The following MARCHF6 variants were observed in gnomAD, a reference collection of about 807,000 sequenced individuals.
MARCHF6 encodes E3 ubiquitin-protein ligase MARCHF6.
A neutral mutation model predicts 133.7 loss-of-function variants in MARCHF6; 31 were observed. The observed-to-expected ratio is 0.23, with a 90% CI of 0.17 to 0.31. The LOEUF (loss-of-function observed/expected upper bound fraction) is 0.31, where lower values mean the gene tolerates loss of function less well. MARCHF6 is among the 10% of genes least tolerant of loss of function. The pLI, the probability that MARCHF6 is intolerant of heterozygous loss-of-function variation, is 1.00. For missense variants in MARCHF6, 723 were observed against 1,121.6 expected (o/e 0.64, Z 5.08); for synonymous variants, 395 against 402.5 (o/e 0.98, Z 0.22).
chr5:10,426,802 T>G (rs1162746874), intron 24 of MARCHF6, among the ~76,000 whole-genome samples: 1 of 152,206 alleles, frequency 6.6e-6, no homozygotes, highest in Non-Finnish European at 1.5e-5. Flanking sequence ...TTCCTTCAGG[T>G]TGTCTTCTTC....
chr5:10,380,406 A>T (rs1296254514), intron 3 of MARCHF6, among the ~76,000 whole-genome samples: 2 of 152,206 alleles, frequency 1.3e-5, no homozygotes, highest in African/African-American at 2.4e-5. Context: ...ACTAAGACTA[A>T]CTAGTTGAGT....
chr5:10,405,285 T>C (rs2126772521), intron 15 of MARCHF6, among the ~76,000 whole-genome samples: 2 of 152,272 alleles, frequency 1.3e-5, no homozygotes, highest in South Asian at 4.1e-4. Flanking sequence ...CTCAGAGGTC[T>C]AGATTTCTTG....
At chr5:10,394,992 G>T (rs1353241169) in intron 9 of MARCHF6, among the ~76,000 whole-genome samples, 2 of 152,074 alleles carry the variant, frequency 1.3e-5, no homozygotes, top group South Asian at 2.1e-4. Flanking sequence ...GTAGAGATGG[G>T]GTTTCACCAT....
In MARCHF6 at chr5:10,435,672, TATATATATATATATATATATATA is replaced by T; in HGVS notation, c.*1989_*2011del. The T allele has an allele frequency of 2.1e-4, 3 of 14,166 alleles. No homozygotes were observed. The highest frequency in any genetic ancestry group is 7.1e-4 in the African/African-American group (2 of 2,826). 0.9% of individuals were successfully genotyped at this position (14,166 alleles called of 1,614,324 possible). A position where few individuals can be genotyped will look rare whatever the true frequency, so the allele number is the denominator to read the frequency against. On this transcript the variant is annotated 3_prime_UTR_variant, in exon 26 of 26. Coordinates refer to ENST00000274140, the MANE Select transcript of MARCHF6 (RefSeq NM_005885.4). ...ATATATATATATATATATATATATA[TATATATATATATATATATATATA>T]TATTTTTTTTTTTTTTTTTTTTTTT...
At chr5:10,393,991 A>G (rs2126738773) in intron 7 of MARCHF6, 91 bp from the exon 8 acceptor site, 1 of 657,108 alleles carries the variant, frequency 1.5e-6, no homozygotes, top group Non-Finnish European at 2.4e-6. Context: ...CTTACAAAGT[A>G]CTAAATTTTA....
At chr5:10,405,829 C>A in intron 16 of MARCHF6, 152 bp downstream of exon 16, 1 of 578,426 alleles carries the variant, frequency 1.7e-6, no homozygotes, top group Non-Finnish European at 2.7e-6. Context: ...TGTCAAGTAG[C>A]TGTGTTATTG....
At position 10,414,413 on chromosome 5, in the gene MARCHF6, C is replaced by T. The variant is rs751716539; in HGVS notation, c.1897-20C>T. On this transcript the variant is annotated intron_variant, in intron 19 of 25. Transcript: ENST00000274140. ...AGCACGTGTTCTCTATTTATGCACT[C>T]CTTATGTTTTACTTTGCAGATATTT... 4 of 1,499,906 alleles carry T rather than the reference C, an allele frequency of 2.7e-6. No individual in the cohort carries two copies. The highest frequency in any genetic ancestry group is 3.4e-5 in the Admixed American group (2 of 58,444). 92.9% of individuals were successfully genotyped at this position (1,499,906 alleles called of 1,614,324 possible). A position where few individuals can be genotyped will look rare whatever the true frequency, so the allele number is the denominator to read the frequency against.
In MARCHF6 at chr5:10,429,984, A is replaced by G. The variant is rs762055375; in HGVS notation, c.2598A>G (p.Gln866=). 7 of 1,613,686 alleles carry G rather than the reference A, an allele frequency of 4.3e-6. No individual in the cohort carries two copies. The highest frequency in any genetic ancestry group is 1.7e-5 in the Admixed American group (1 of 60,010). Residue 866 remains glutamine, a synonymous_variant, in exon 25 of 26, where the codon CAA becomes CAG. Transcript: ENST00000274140. ...TATTGATGGCAATTTTGTCCTTCCA[A>G]GTCCGCCAGTTTAAGCGCCTTTATG... ...VVVLMAILSF[Q]VRQFKRLYEH... is the part of the protein sequence containing the mutation.
chr5:10,383,037 G>T (rs1737251234), intron 4 of MARCHF6, among the ~76,000 whole-genome samples: 2 of 152,034 alleles, frequency 1.3e-5, no homozygotes, highest in Admixed American at 6.6e-5. Context: ...ATATAGATAA[G>T]ATTCATTAGA....
chr5:10,387,913 C>T (rs1380937928), intron 5 of MARCHF6, among the ~76,000 whole-genome samples: 6 of 152,200 alleles, frequency 3.9e-5, no homozygotes, highest in Non-Finnish European at 5.9e-5. Flanking sequence ...CTGCCTGCCT[C>T]GGCCTCTCAA....
At chr5:10,403,649 C>A in intron 15 of MARCHF6, 108 bp downstream of exon 15, 1 of 999,888 alleles carries the variant, frequency 1.0e-6, no homozygotes, top group Non-Finnish European at 1.4e-6. Flanking sequence ...AAATCATATT[C>A]TCTACTATTT....
At chr5:10,380,926 CAAAAA>C (rs200519303) in intron 3 of MARCHF6, among the ~76,000 whole-genome samples, 1 of 98,408 alleles carries the variant, frequency 1.0e-5, no homozygotes. Flanking sequence ...GACTCTGACT[CAAAAA>C]AAAAAAAAAA....
At chr5:10,385,532 G>A (rs891200394) in intron 4 of MARCHF6, among the ~76,000 whole-genome samples, 1 of 152,148 alleles carries the variant, frequency 6.6e-6, no homozygotes, top group African/African-American at 2.4e-5. Flanking sequence ...TCATAGATGT[G>A]TAGGTATAAA....
chr5:10,370,224 C>T (rs1342792965), intron 1 of MARCHF6, among the ~76,000 whole-genome samples: 1 of 150,640 alleles, frequency 6.6e-6, no homozygotes, highest in Non-Finnish European at 1.5e-5. Context: ...CCTTAGCCTC[C>T]TGAGTAGCTG....
intron 15 of MARCHF6, among the ~76,000 whole-genome samples, chr5:10,403,857 A>G (rs1384040660): frequency 2.0e-5 from 3 of 152,088 alleles, no homozygotes; most frequent in South Asian, 2.1e-4. Context: ...GACTCTTGGA[A>G]TTTTGTATGA....
chr5:10,382,270 C>G (rs548556321), intron 4 of MARCHF6, among the ~76,000 whole-genome samples: 1 of 152,072 alleles, frequency 6.6e-6, no homozygotes, highest in African/African-American at 2.4e-5. Flanking sequence ...GACGGCCGGG[C>G]GCGGTGGCTT....
chr5:10,376,534 T>C (rs1736790157), intron 1 of MARCHF6, among the ~76,000 whole-genome samples: 1 of 152,230 alleles, frequency 6.6e-6, no homozygotes, highest in Non-Finnish European at 1.5e-5. Context: ...ATTTGACTGG[T>C]AGTTAATCAA....
Position 10,377,674 on chromosome 5 carries a change from T to C in MARCHF6, c.20-124T>C, listed in dbSNP as rs571784246. ...AATCACAACTTTCAGTTCTCCGTAC[T>C]ATTAATGTTTTGTCAAGTGATAGAT... On this transcript the variant is annotated intron_variant, in intron 1 of 25. Coordinates refer to ENST00000274140, the MANE Select transcript of MARCHF6 (RefSeq NM_005885.4). 9 of 611,744 alleles carry C rather than the reference T, an allele frequency of 1.5e-5. No homozygotes were observed. The East Asian group carries it at 1.6e-4, about 11-fold the overall frequency. The allele number at this position is 611,744 out of a possible 1,614,324, so 37.9% of individuals were successfully genotyped here.
intron 1 of MARCHF6, among the ~76,000 whole-genome samples, chr5:10,360,782 G>A (rs1735774551): frequency 6.6e-6 from 1 of 152,170 alleles, no homozygotes; most frequent in Non-Finnish European, 1.5e-5. Context: ...ATCATGACTG[G>A]CTGTGTCCAT....
Sources: gnomAD v4.1 joint callset for allele counts (sites outside exome capture counted in the v4.1 genomes callset) on GRCh38, gnomAD v4.1.1 for gene constraint, MANE v1.5 for transcripts, NCBI Gene and HGNC (gene_info 2026-07-23, HGNC 2026-07-21) for gene names.